Variants in KAT6B observed in about 807,000 individuals in gnomAD.
KAT6B encodes the protein histone acetyltransferase KAT6B.
In KAT6B, 10 loss-of-function variants were observed where a neutral mutation model predicts 187.5. The ratio of observed to expected loss-of-function variants is 0.05; its 90% confidence interval spans 0.03 to 0.09. The LOEUF (loss-of-function observed/expected upper bound fraction) is 0.09, where lower values mean the gene tolerates loss of function less well. Among genes scored for constraint, KAT6B ranks in the 10% least tolerant of loss-of-function variants. KAT6B has a pLI of 1.00. For synonymous variants in KAT6B, 861 were observed against 926.8 expected, an observed-to-expected ratio of 0.93 and a Z score of 1.29; for missense variants, 1,952 against 2,558.9, an observed-to-expected ratio of 0.76 and a Z score of 5.12.
chr10:74,970,895 A>AT (rs1204287317), intron 6 of KAT6B, among the ~76,000 whole-genome samples: 2 of 152,194 alleles, frequency 1.3e-5, no homozygotes, highest in African/African-American at 4.8e-5. Flanking sequence ...ATCATTAAAT[A>AT]TTCTCCTAAA....
At chr10:74,933,815 T>G (rs1477270150) in intron 3 of KAT6B, among the ~76,000 whole-genome samples, 1 of 152,176 alleles carries the variant, frequency 6.6e-6, no homozygotes, top group African/African-American at 2.4e-5. Flanking sequence ...TAGACAACTT[T>G]GCTGAGAGCA....
intron 3 of KAT6B, among the ~76,000 whole-genome samples, chr10:74,916,698 T>C (rs985700236): frequency 3.3e-5 from 5 of 152,234 alleles, no homozygotes; most frequent in Non-Finnish European, 7.3e-5. Flanking sequence ...GATGGGTGCA[T>C]ACATAAATTC....
chr10:74,876,835 C>G (rs974046377), intron 3 of KAT6B, among the ~76,000 whole-genome samples: 1 of 151,862 alleles, frequency 6.6e-6, no homozygotes, highest in African/African-American at 2.4e-5. Context: ...ATCGCTTGAA[C>G]CTGGGAGACT....
At chr10:74,963,191 A>G (rs1294492417) in intron 4 of KAT6B, among the ~76,000 whole-genome samples, 2 of 152,236 alleles carry the variant, frequency 1.3e-5, no homozygotes, top group Admixed American at 1.3e-4. Flanking sequence ...AGTGTTAGAA[A>G]TGATTTTACT....
intron 3 of KAT6B, among the ~76,000 whole-genome samples, chr10:74,928,361 A>G (rs1465770376): frequency 6.6e-6 from 1 of 152,188 alleles, no homozygotes; most frequent in African/African-American, 2.4e-5. Flanking sequence ...CTCTCAAGAA[A>G]CTAGCAGTAT....
intron 3 of KAT6B, among the ~76,000 whole-genome samples, chr10:74,943,556 A>C (rs995077812): frequency 3.3e-5 from 5 of 152,230 alleles, no homozygotes; most frequent in African/African-American, 1.2e-4. Context: ...GGGAAGAAGA[A>C]AATCTCAACA....
At position 75,028,927 on chromosome 10, in the gene KAT6B, A is replaced by T. The variant is rs757589743; in HGVS notation, c.4103A>T (p.Glu1368Val). The change falls in exon 18 of 18, where the codon GAA becomes GTA. Residue 1368 changes from glutamate to valine, a missense_variant. Glu to Val is a moderately radical substitution (Grantham distance 121). Around this residue, in one of 9 missense-constraint regions of KAT6B, gnomAD observed 758 missense variants for 891.4 expected, o/e 0.85. Coordinates refer to ENST00000287239, the MANE Select transcript of KAT6B (RefSeq NM_012330.4). ...EEEEEEEEEE[E>V]GEEEEGGGNV... ...GAAGAGGAAGAAGAGGAAGAAGAGGAAGGGGAAGAAGAAGAAGGAGGAGGA... is the reference window on the plus strand; with the variant it reads ...GAAGAGGAAGAAGAGGAAGAAGAGGTAGGGGAAGAAGAAGAAGGAGGAGGA... 1 of 1,612,312 alleles carries T rather than the reference A, an allele frequency of 6.2e-7. No individual in the cohort carries two copies. The highest frequency in any genetic ancestry group is 1.1e-5 in the South Asian group (1 of 90,954).
chr10:75,009,613 C>CTT (rs557310954), intron 13 of KAT6B, among the ~76,000 whole-genome samples: 21 of 152,298 alleles, frequency 1.4e-4, no homozygotes, highest in East Asian at 7.7e-4. Context: ...TCATTGCTGT[C>CTT]TTTAATGCTG....
intron 3 of KAT6B, among the ~76,000 whole-genome samples, chr10:74,898,970 G>A (rs1202752468): frequency 7.2e-6 from 1 of 138,750 alleles, no homozygotes; most frequent in Non-Finnish European, 1.5e-5. Context: ...GGCCAACATG[G>A]TGAAACCCCC....
At chr10:74,908,855 C>G (rs1846987889) in intron 3 of KAT6B, among the ~76,000 whole-genome samples, 1 of 152,116 alleles carries the variant, frequency 6.6e-6, no homozygotes, top group African/African-American at 2.4e-5. Context: ...CCTCTGGTAG[C>G]CCCCTGAGAC....
rs534538168 is a variant in KAT6B, at chr10:75,011,278, T to C, written c.2630-9304T>C. Among the ~76,000 whole-genome samples the C allele has an allele frequency of 7.7e-4, 118 of 152,370 alleles. No homozygotes were observed. The Middle Eastern group carries it at 0.01, about 13-fold the overall frequency. On this transcript the variant is annotated intron_variant, in intron 13 of 17. Transcript: ENST00000287239. ...CCAAATTACTTCATCTTTAAATTTTTAAAAATAAATGTGTTTTTCCTAAAA... is the reference window on the plus strand; with the variant it reads ...CCAAATTACTTCATCTTTAAATTTTCAAAAATAAATGTGTTTTTCCTAAAA...
chr10:74,927,966 G>A (rs1441895287), intron 3 of KAT6B, among the ~76,000 whole-genome samples: 1 of 152,078 alleles, frequency 6.6e-6, no homozygotes, highest in Non-Finnish European at 1.5e-5. Context: ...AACAAAAAGT[G>A]CTCCAGGAAA....
At chr10:74,883,033 G>C (rs16931799) in intron 3 of KAT6B, among the ~76,000 whole-genome samples, 3,531 of 152,262 alleles carry the variant, frequency 0.023, 138 homozygotes, top group African/African-American at 0.08. Context: ...GCTCTTGAGA[G>C]AGTGACTCAT....
intron 3 of KAT6B, among the ~76,000 whole-genome samples, chr10:74,870,192 A>C (rs1843816596): frequency 1.3e-5 from 2 of 152,148 alleles, no homozygotes; most frequent in South Asian, 4.1e-4. Context: ...AGGCAGGAGG[A>C]TCAATCACTT....
chr10:74,946,004 G>A (rs77138012), intron 3 of KAT6B, among the ~76,000 whole-genome samples: 1,684 of 152,194 alleles, frequency 0.011, 37 homozygotes, highest in African/African-American at 0.038. Context: ...GAAATAGATC[G>A]TGTAAAATTG....
intron 11 of KAT6B, chr10:74,983,528 G>A (rs1842644211): frequency 6.6e-6 from 1 of 152,192 alleles, no homozygotes; most frequent in African/African-American, 2.4e-5. Flanking sequence ...TGATGCCTTA[G>A]ATCTTTTCTT....
chr10:74,910,511 C>T (rs1336594376), intron 3 of KAT6B, among the ~76,000 whole-genome samples: 3 of 152,114 alleles, frequency 2.0e-5, no homozygotes, highest in African/African-American at 7.2e-5. Flanking sequence ...ACTGTGGGCA[C>T]CCACAAATAA....
At chr10:74,983,545 A>G (rs543897912) in intron 11 of KAT6B, 3 of 152,372 alleles carry the variant, frequency 2.0e-5, no homozygotes, top group Non-Finnish European at 4.4e-5. Flanking sequence ...TCTTCCAACC[A>G]AAACATTGTT....
intron 13 of KAT6B, chr10:75,003,223 A>G (rs188136851): frequency 6.6e-6 from 1 of 152,256 alleles, no homozygotes; most frequent in Admixed American, 6.5e-5. Flanking sequence ...ACATTTGTAC[A>G]TAGCAGGTTG....
Sources: allele counts gnomAD v4.1 joint callset (sites outside exome capture counted in the v4.1 genomes callset), GRCh38; gene constraint gnomAD v4.1.1; regional missense constraint gnomAD v4.1.1; transcripts MANE v1.5; gene names NCBI Gene and HGNC (gene_info 2026-07-23, HGNC 2026-07-21).